WDFY4: variants seen among roughly 807,000 people sequenced by gnomAD.
WDFY4 encodes WDFY family member 4.
Under a neutral mutation model 351.9 loss-of-function variants are expected in WDFY4, and 169 were observed. The ratio of observed to expected loss-of-function variants is 0.48; its 90% CI spans 0.42 to 0.55. WDFY4 has a LOEUF of 0.55. WDFY4 is among the 20% of genes least tolerant of loss of function. The probability of loss-of-function intolerance (pLI) is 0.00; values close to 1 mark genes in which losing one functional copy is unlikely to be tolerated. For synonymous variants in WDFY4, 1,622 were observed against 1,574.6 expected, an observed-to-expected ratio of 1.03 and a Z score of -0.71; for missense variants, 3,803 against 3,935.6, an observed-to-expected ratio of 0.97 and a Z score of 0.90.
In WDFY4 at chr10:48,954,064, T is replaced by G. The variant is rs1158311102; in HGVS notation, c.7978-3065T>G. On this transcript the variant is annotated intron_variant, in intron 51 of 61. Transcript: ENST00000325239. ...TCCTTGCTAGCCACTTCTTTTCCTA[T>G]TATTTTGCCCTCAATTTTGCTTCAT... Among the ~76,000 whole-genome samples the G allele has an allele frequency of 3.3e-5, 5 of 152,382 alleles. No individual in the cohort carries two copies. In the East Asian group the frequency reaches 9.6e-4, roughly 29 times the overall value.
At chr10:48,714,060 G>C (rs375219680) in intron 2 of WDFY4, among the ~76,000 whole-genome samples, 1 of 152,188 alleles carries the variant, frequency 6.6e-6, no homozygotes, top group Non-Finnish European at 1.5e-5. Flanking sequence ...TCACAATAAC[G>C]CTGTGATGTA....
intron 46 of WDFY4, 83 bp downstream of exon 46, chr10:48,900,389 A>G: frequency 7.5e-7 from 1 of 1,327,016 alleles, no homozygotes. Flanking sequence ...CTCTGTGCTC[A>G]GGAAAAGTGT....
intron 23 of WDFY4, among the ~76,000 whole-genome samples, chr10:48,794,135 C>G (rs979405373): frequency 2.0e-5 from 3 of 152,142 alleles, no homozygotes; most frequent in Admixed American, 2.0e-4. Context: ...TAGGTTCTGC[C>G]TCACAGGTGA....
At chr10:48,903,202 T>C (rs1837448858) in intron 47 of WDFY4, among the ~76,000 whole-genome samples, 1 of 152,058 alleles carries the variant, frequency 6.6e-6, no homozygotes, top group Non-Finnish European at 1.5e-5. Flanking sequence ...GCTTATCAAA[T>C]TGGAGTGCAG....
Position 48,778,772 on chromosome 10 carries a change from C to T in WDFY4, c.3337C>T (p.Leu1113Phe). Residue 1113 changes from leucine (L) to phenylalanine (F), a missense_variant, in exon 18 of 62, where the codon CTC becomes TTC. Leu to Phe is a conservative substitution (Grantham distance 22, BLOSUM62 0). Around this residue, in one of 3 missense-constraint regions of WDFY4, gnomAD observed 3,054 missense variants for 3,148.6 expected, o/e 0.97. Coordinates refer to ENST00000325239, the MANE Select transcript of WDFY4 (RefSeq NM_001394531.1). ...EQPFVCFSVSLCPDDLSLVVS... is the reference protein window; with the variant it reads ...EQPFVCFSVSFCPDDLSLVVS... ...ACCCTTTGTTTGCTTCTCCGTCAGCCTCTGCCCAGACGACCTCTCCTTGGT... is the reference window on the plus strand; with the variant it reads ...ACCCTTTGTTTGCTTCTCCGTCAGCTTCTGCCCAGACGACCTCTCCTTGGT... 6.4e-7 allele frequency: 1 copy of T among 1,551,704 alleles called. No individual in the cohort carries two copies. Among genetic ancestry groups the T allele is most frequent in the Non-Finnish European group, 8.7e-7 (1 of 1,147,032 alleles).
intron 1 of WDFY4, among the ~76,000 whole-genome samples, chr10:48,692,996 T>C (rs951497136): frequency 1.3e-5 from 2 of 152,046 alleles, no homozygotes; most frequent in African/African-American, 4.8e-5. Context: ...GTCTGGAAGG[T>C]GGCATGTTTG....
intron 30 of WDFY4, 113 bp downstream of exon 30, chr10:48,811,821 A>G (rs1589668587): frequency 2.6e-6 from 3 of 1,154,078 alleles, no homozygotes; most frequent in East Asian, 5.2e-5. Flanking sequence ...TCCAGCTCAG[A>G]TGGGGTGCTG....
intron 5 of WDFY4, among the ~76,000 whole-genome samples, chr10:48,725,273 A>G (rs2064229352): frequency 6.6e-6 from 1 of 152,224 alleles, no homozygotes; most frequent in Non-Finnish European, 1.5e-5. Context: ...TGGACCCCCA[A>G]GAGCCCAGGG....
At position 48,971,619 on chromosome 10, in the gene WDFY4, G is replaced by C. The variant is rs1842340756; in HGVS notation, c.8928+1330G>C. ...GAAACATGTTCTCTGGGGTTCTCTGGATAATTTTCAAGCCACTTCTGTCAC... is the reference window on the plus strand; with the variant it reads ...GAAACATGTTCTCTGGGGTTCTCTGCATAATTTTCAAGCCACTTCTGTCAC... On this transcript the variant is annotated intron_variant, in intron 57 of 61. Coordinates refer to ENST00000325239, the MANE Select transcript of WDFY4 (RefSeq NM_001394531.1). Among the ~76,000 whole-genome samples the C allele has an allele frequency of 3.3e-5, 5 of 152,206 alleles. No homozygotes were observed. In the South Asian group the frequency reaches 1.0e-3, roughly 32 times the overall value.
chr10:48,879,260 T>G (rs1308085441), intron 43 of WDFY4, among the ~76,000 whole-genome samples: 3 of 152,196 alleles, frequency 2.0e-5, no homozygotes, highest in Non-Finnish European at 4.4e-5. Flanking sequence ...TGGAGACATT[T>G]TTAATTGCCA....
Position 48,970,231 on chromosome 10 carries a change from T to C in WDFY4, c.8870T>C (p.Val2957Ala). ...TIVTSGTSTV[V>A]CVWELSMTKG... ...GTCACCTCTGGGACCAGCACTGTGG[T>C]GTGTGTGTGGGAGCTCAGCATGACC... The change falls in exon 57 of 62, where the codon GTG (valine) becomes GCG (alanine). Residue 2957 changes from valine to alanine, a missense_variant. Val to Ala is a moderately conservative substitution (Grantham distance 64, BLOSUM62 0). This residue lies in a region of WDFY4 where 3,054 missense variants were observed against 3,148.6 expected (regional missense o/e 0.97). Coordinates refer to ENST00000325239, the MANE Select transcript of WDFY4 (RefSeq NM_001394531.1). 6.4e-7 allele frequency: 1 copy of C among 1,550,492 alleles called. No individual in the cohort carries two copies. Among genetic ancestry groups the C allele is most frequent in the Non-Finnish European group, 8.7e-7 (1 of 1,146,228 alleles).
At chr10:48,750,989 C>A (rs968887041) in intron 12 of WDFY4, among the ~76,000 whole-genome samples, 1 of 152,214 alleles carries the variant, frequency 6.6e-6, no homozygotes, top group African/African-American at 2.4e-5. Flanking sequence ...GTTGGCAAGG[C>A]AGATAGTCTT....
At chr10:48,846,823 G>A (rs961855323) in intron 39 of WDFY4, among the ~76,000 whole-genome samples, 2 of 152,322 alleles carry the variant, frequency 1.3e-5, no homozygotes, top group East Asian at 3.9e-4. Context: ...GGTGCAGCTT[G>A]CAGCCAGTGC....
At chr10:48,746,083 C>T (rs1589509595) in intron 12 of WDFY4, 5 of 160,194 alleles carry the variant, frequency 3.1e-5, no homozygotes, top group Admixed American at 2.6e-4. Context: ...CGCCAGGTGG[C>T]CCAGGAGGTA....
At chr10:48,811,252 A>G (rs1019464761) in intron 29 of WDFY4, among the ~76,000 whole-genome samples, 1 of 152,118 alleles carries the variant, frequency 6.6e-6, no homozygotes, top group African/African-American at 2.4e-5. Flanking sequence ...AATTCTGTAT[A>G]TTTGGTTGAA....
At chr10:48,734,775 T>A (rs2064594231) in intron 10 of WDFY4, among the ~76,000 whole-genome samples, 1 of 149,962 alleles carries the variant, frequency 6.7e-6, no homozygotes, top group Admixed American at 6.6e-5. Context: ...AGCTCAGGAA[T>A]CTACTTTTTT....
chr10:48,791,469 T>C (rs1280638180), intron 23 of WDFY4, among the ~76,000 whole-genome samples: 1 of 152,238 alleles, frequency 6.6e-6, no homozygotes, highest in East Asian at 1.9e-4. Flanking sequence ...GTCAGTTCCC[T>C]CATGTGTAAA....
intron 53 of WDFY4, among the ~76,000 whole-genome samples, chr10:48,961,290 T>C (rs1319721985): frequency 6.6e-6 from 1 of 152,218 alleles, no homozygotes; most frequent in Non-Finnish European, 1.5e-5. Flanking sequence ...AGCCATAGTC[T>C]GATAAAAGAC....
rs1341511926 is a variant in WDFY4, at chr10:48,974,516, A to AC, written c.8929-346_8929-345insC. Among the ~76,000 whole-genome samples, 51 of 16,332 alleles carry AC rather than the reference A, an allele frequency of 3.1e-3. 10 individuals carry two copies. The highest frequency in any genetic ancestry group is 0.015 in the Non-Finnish European group (35 of 2,398). 10.7% of individuals were successfully genotyped at this position (16,332 alleles called of 152,430 possible). A position where few individuals can be genotyped will look rare whatever the true frequency, so the allele number is the denominator to read the frequency against. On this transcript the variant is annotated intron_variant, in intron 57 of 61. Coordinates refer to ENST00000325239, the MANE Select transcript of WDFY4 (RefSeq NM_001394531.1). ...AGACTCCGTCTCAAAAAAAAAAAAA[A>AC]AAAAAAAAAAAAACAACTCATGACA...
Sources: gnomAD v4.1 joint callset for allele counts (sites outside exome capture counted in the v4.1 genomes callset) on GRCh38, gnomAD v4.1.1 for gene constraint, gnomAD v4.1.1 regional missense constraint, MANE v1.5 for transcripts, NCBI Gene and HGNC (gene_info 2026-07-23, HGNC 2026-07-21) for gene names.